The following ADCY1 variants were observed in gnomAD, a reference collection of about 807,000 sequenced individuals.
ADCY1 encodes adenylate cyclase 1.
A neutral mutation model predicts 105.4 loss-of-function variants in ADCY1; 28 were observed. That is an observed-to-expected ratio of 0.27 (90% CI 0.20 to 0.36). The LOEUF is 0.36. Among genes scored for constraint, ADCY1 ranks in the 10% least tolerant of loss-of-function variants. ADCY1 has a pLI of 1.00. For synonymous variants in ADCY1, 655 were observed against 623.8 expected, an observed-to-expected ratio of 1.05 and a Z score of -0.75; for missense variants, 977 against 1,434.2, an observed-to-expected ratio of 0.68 and a Z score of 5.15.
At chr7:45,586,777 G>T (rs4720512) in intron 1 of ADCY1, among the ~76,000 whole-genome samples, 2 of 152,080 alleles carry the variant, frequency 1.3e-5, no homozygotes, top group African/African-American at 4.8e-5. Flanking sequence ...CACCTGGGAG[G>T]TGGCAGGCTG....
At chr7:45,635,926 G>A (rs1794391247) in intron 4 of ADCY1, among the ~76,000 whole-genome samples, 1 of 151,774 alleles carries the variant, frequency 6.6e-6, no homozygotes, top group Non-Finnish European at 1.5e-5. Context: ...ATTGAGAGAG[G>A]GGTATTAAAA....
chr7:45,581,709 G>C (rs1792549000), intron 1 of ADCY1, among the ~76,000 whole-genome samples: 1 of 152,126 alleles, frequency 6.6e-6, no homozygotes, highest in South Asian at 2.1e-4. Context: ...TACCCTGAGG[G>C]GCTGAGCAAG....
At chr7:45,702,545 C>CT (rs1785018406) in intron 14 of ADCY1, among the ~76,000 whole-genome samples, 2 of 152,364 alleles carry the variant, frequency 1.3e-5, no homozygotes, top group South Asian at 4.1e-4. Context: ...AGCTTCACTC[C>CT]TTTCAGGAGT....
In ADCY1 at chr7:45,682,722, C is replaced by A. The variant is rs7809966; in HGVS notation, c.1984-2257C>A. 8.6e-3 allele frequency among the ~76,000 whole-genome samples: 1,304 copies of A among 152,270 alleles called. 24 individuals are homozygous for A. Among genetic ancestry groups the A allele is most frequent in the African/African-American group, 0.03 (1,239 of 41,536 alleles). On this transcript the variant is annotated intron_variant, in intron 11 of 19. Transcript: ENST00000297323. ...CAGGCTCAGGAGGGTGTTGGGCCCA[C>A]CCAGGCTGGCTAGGGTAGAGGCCGC...
chr7:45,706,278 C>T (rs1383759122), intron 17 of ADCY1, among the ~76,000 whole-genome samples: 1 of 152,098 alleles, frequency 6.6e-6, no homozygotes, highest in African/African-American at 2.4e-5. Context: ...AGGACTGACA[C>T]TACCCAACTT....
chr7:45,598,110 C>A (rs1272021308), intron 2 of ADCY1, among the ~76,000 whole-genome samples: 1 of 152,068 alleles, frequency 6.6e-6, no homozygotes, highest in East Asian at 1.9e-4. Flanking sequence ...TAATTTCAGC[C>A]CTCTATATCA....
At chr7:45,680,028 G>T (rs1350997004) in intron 11 of ADCY1, among the ~76,000 whole-genome samples, 2 of 152,192 alleles carry the variant, frequency 1.3e-5, no homozygotes, top group East Asian at 3.9e-4. Context: ...GTGGGATAGG[G>T]GAGGCAGTTC....
In ADCY1 at chr7:45,703,247, G is replaced by C. The variant is rs376511717; in HGVS notation, c.2455-129G>C. 4 of 821,378 alleles carry C rather than the reference G, an allele frequency of 4.9e-6. No individual in the cohort carries two copies. The African/African-American group carries it at 5.0e-5, about 10-fold the overall frequency. 50.9% of individuals were successfully genotyped at this position (821,378 alleles called of 1,614,324 possible). On this transcript the variant is annotated intron_variant, in intron 14 of 19. Transcript: ENST00000297323. This position sits in a 1 kb window ranked among gnomAD's most constrained non-coding sequence, Gnocchi z 5.9. ...AGTCTTGCATCTAGTGGGGAGGAGG[G>C]ACAGGAGCGTGGATGTAGACCATCA... is the stretch of plus-strand genomic sequence containing the variant.
chr7:45,590,755 A>G (rs1584252575), intron 1 of ADCY1, among the ~76,000 whole-genome samples: 2 of 152,110 alleles, frequency 1.3e-5, no homozygotes, highest in South Asian at 2.1e-4. Flanking sequence ...AGACCATCCT[A>G]TTGGATGTCT....
intron 8 of ADCY1, among the ~76,000 whole-genome samples, chr7:45,675,763 A>G (rs931029154): frequency 1.3e-5 from 2 of 152,098 alleles, no homozygotes; most frequent in African/African-American, 4.8e-5. Flanking sequence ...ATCAGATATT[A>G]GTTTTCTCAT....
chr7:45,586,856 G>T (rs569723634), intron 1 of ADCY1, among the ~76,000 whole-genome samples: 1 of 152,344 alleles, frequency 6.6e-6, no homozygotes, highest in Non-Finnish European at 1.5e-5. Flanking sequence ...TGTGGAGTCA[G>T]CTCCTTTGCT....
chr7:45,588,688 G>A (rs1253956429), intron 1 of ADCY1, among the ~76,000 whole-genome samples: 1 of 152,066 alleles, frequency 6.6e-6, no homozygotes, highest in African/African-American at 2.4e-5. Flanking sequence ...TGCCTTTTCC[G>A]AGCATGCTGG....
intron 8 of ADCY1, among the ~76,000 whole-genome samples, chr7:45,665,026 C>T (rs139321097): frequency 0.019 from 2,937 of 152,160 alleles, 36 homozygotes; most frequent in Middle Eastern, 0.024. Context: ...TGAGAACATG[C>T]GGTGTTTGGT....
In ADCY1 at chr7:45,686,417, G is replaced by A. The variant is rs562864485; in HGVS notation, c.2328-130G>A. ...CTATGATAAGTGATTCTTGGCCAAG[G>A]TCAATCCCAGCAAGCTGTTTTTGGG... On this transcript the variant is annotated intron_variant, in intron 13 of 19. Transcript: ENST00000297323. The surrounding 1 kb of genome is among the most constrained non-coding windows in gnomAD (Gnocchi z 4.3). 47 of 1,449,894 alleles carry A rather than the reference G, an allele frequency of 3.2e-5. No homozygotes were observed. Among genetic ancestry groups the A allele is most frequent in the Middle Eastern group, 2.2e-4 (1 of 4,634 alleles). 89.8% of individuals were successfully genotyped at this position (1,449,894 alleles called of 1,614,324 possible). A position where few individuals can be genotyped will look rare whatever the true frequency, so the allele number is the denominator to read the frequency against.
In ADCY1 at chr7:45,692,185, C is replaced by T. The variant is rs567718532; in HGVS notation, c.2454+5512C>T. Among the ~76,000 whole-genome samples, 115 of 152,326 alleles carry T rather than the reference C, an allele frequency of 7.5e-4. 3 individuals carry two copies. The South Asian group carries it at 0.023, about 30-fold the overall frequency. ...TCAGGACCCCACATCCATCAGGCCC[C>T]ATGCCCACTGGAAATACACCCTTTG... is the stretch of plus-strand genomic sequence containing the variant. On this transcript the variant is annotated intron_variant, in intron 14 of 19. Transcript: ENST00000297323.
chr7:45,699,015 G>A (rs1342584426), intron 14 of ADCY1, among the ~76,000 whole-genome samples: 5 of 152,238 alleles, frequency 3.3e-5, no homozygotes, highest in Non-Finnish European at 7.3e-5. Flanking sequence ...CATACAGCCA[G>A]CTGAGTACCA....
chr7:45,582,167 C>T (rs1483176025), intron 1 of ADCY1, among the ~76,000 whole-genome samples: 1 of 152,204 alleles, frequency 6.6e-6, no homozygotes, highest in Non-Finnish European at 1.5e-5. Context: ...AACTAATGCA[C>T]ACTTACATGT....
intron 3 of ADCY1, among the ~76,000 whole-genome samples, chr7:45,617,483 G>C (rs1793768912): frequency 6.6e-6 from 1 of 152,196 alleles, no homozygotes; most frequent in Non-Finnish European, 1.5e-5. Flanking sequence ...GGCTGTGACT[G>C]CTGGGGCTGA....
At chr7:45,683,208 C>G (rs573891227) in intron 11 of ADCY1, among the ~76,000 whole-genome samples, 1 of 152,218 alleles carries the variant, frequency 6.6e-6, no homozygotes, top group East Asian at 1.9e-4. Flanking sequence ...CATTTTTCAC[C>G]CACTTGGAGA....
Sources: gnomAD v4.1 joint callset for allele counts (sites outside exome capture counted in the v4.1 genomes callset) on GRCh38, gnomAD v4.1.1 for gene constraint, Gnocchi (gnomAD v3.1) non-coding constraint, MANE v1.5 for transcripts, NCBI Gene and HGNC (gene_info 2026-07-23, HGNC 2026-07-21) for gene names.